SMAD6: variants seen among roughly 807,000 people sequenced by gnomAD.
The protein encoded by SMAD6 is SMAD family member 6.
Under a neutral mutation model 39.4 loss-of-function variants are expected in SMAD6, and 103 were observed. The observed-to-expected ratio is 2.62, with a 90% CI of 2.23 to 3.08. The LOEUF (loss-of-function observed/expected upper bound fraction) is 3.08, where lower values mean the gene tolerates loss of function less well. Among genes scored for constraint, SMAD6 ranks in the 30% most tolerant of loss-of-function variants. The pLI is 0.00. For missense variants in SMAD6, 1,104 were observed against 742.9 expected, an observed-to-expected ratio of 1.49 and a Z score of -5.65; for synonymous variants, 445 against 353.3, an observed-to-expected ratio of 1.26 and a Z score of -2.91.
chr15:66,727,099 CTTCT>C (rs1439829838), intron 3 of SMAD6, among the ~76,000 whole-genome samples: 1,383 of 124,302 alleles, frequency 0.011, 9 homozygotes, highest in African/African-American at 0.04. Context: ...TTTTCTTCTT[CTTCT>C]TTTTTTTTTT....
At chr15:66,736,954 C>T (rs1371365782) in intron 3 of SMAD6, among the ~76,000 whole-genome samples, 5 of 152,206 alleles carry the variant, frequency 3.3e-5, no homozygotes, top group African/African-American at 4.8e-5. Context: ...AGGCATGAGC[C>T]GCTGCACCTG....
At chr15:66,755,485 A>G (rs1894081154) in intron 3 of SMAD6, among the ~76,000 whole-genome samples, 1 of 152,212 alleles carries the variant, frequency 6.6e-6, no homozygotes, top group African/African-American at 2.4e-5. Flanking sequence ...TATGAGAGGC[A>G]CATTCCAGGT....
chr15:66,703,544 C>G lies in SMAD6; in HGVS notation c.286C>G (p.Pro96Ala), dbSNP rs1299231742. 4 of 1,221,720 alleles carry G rather than the reference C, an allele frequency of 3.3e-6. No individual in the cohort carries two copies. The highest frequency in any genetic ancestry group is 4.1e-6 in the Non-Finnish European group (4 of 979,050). The allele number at this position is 1,221,720 out of a possible 1,614,324, so 75.7% of individuals were successfully genotyped here. ...AGGPPRPMSE[P>A]GAGAGSSLLD... Reference sequence around the variant, plus strand: ...GGGCCCCCCGAGGCCCATGTCGGAGCCAGGGGCCGGCGCTGGGAGCTCCCT... The same window carrying G: ...GGGCCCCCCGAGGCCCATGTCGGAGGCAGGGGCCGGCGCTGGGAGCTCCCT... Residue 96 changes from proline (P) to alanine (A), a missense_variant, in exon 1 of 4, where the codon CCA becomes GCA. Physicochemically the swap from Pro to Ala is conservative, Grantham distance 27. Transcript: ENST00000288840.
rs760771857 is a variant in SMAD6 at position 66,781,389 on chromosome 15, G to A, written c.1345G>A (p.Ala449Thr). 2 of 1,601,900 alleles carry A rather than the reference G, an allele frequency of 1.2e-6. No individual in the cohort carries two copies. The highest frequency in any genetic ancestry group is 1.7e-6 in the Non-Finnish European group (2 of 1,177,568). Residue 449 changes from alanine to threonine, a missense_variant, in exon 4 of 4, where the codon GCG becomes ACG. Physicochemically the swap from Ala to Thr is moderately conservative, Grantham distance 58 (BLOSUM62 0). Coordinates refer to ENST00000288840, the MANE Select transcript of SMAD6 (RefSeq NM_005585.5). The part of the protein sequence containing the change: ...FDFERSGLQH[A>T]PEPDAADGPY... The stretch of plus-strand genomic sequence containing the variant: ...CTTCGAGCGCTCGGGCCTGCAGCAC[G>A]CGCCCGAGCCCGACGCCGCCGACGG...
intron 3 of SMAD6, among the ~76,000 whole-genome samples, chr15:66,772,951 C>G (rs1228808060): frequency 2.0e-5 from 3 of 152,224 alleles, no homozygotes; most frequent in Non-Finnish European, 2.9e-5. Context: ...CTCCCTCCTC[C>G]TGGTTCTGTC....
At position 66,781,572 on chromosome 15, in the gene SMAD6, G is replaced by GGCCACC. The variant is rs746129099; in HGVS notation, c.*44_*49dup. 1.9e-4 allele frequency: 278 copies of GGCCACC among 1,441,064 alleles called. 1 individual carries two copies. Among genetic ancestry groups the GGCCACC allele is most frequent in the Non-Finnish European group, 2.5e-4 (270 of 1,097,496 alleles). 89.3% of individuals were successfully genotyped at this position (1,441,064 alleles called of 1,614,324 possible). On this transcript the variant is annotated 3_prime_UTR_variant, in exon 4 of 4. Transcript: ENST00000288840. ...GCGGGAGGGGCGGGTGGGAGGCCGC[G>GGCCACC]GCCACCGCCACCTGCCGGCCTCGAG...
chr15:66,726,974 CACTCAAGGCAGGAGT>C, intron 3 of SMAD6, among the ~76,000 whole-genome samples: 1 of 152,120 alleles, frequency 6.6e-6, no homozygotes, highest in East Asian at 1.9e-4. Flanking sequence ...GACTGTCTCC[CACTCAAGGCAGGAGT>C]CCTTTCTGTA....
chr15:66,711,713 A>C lies in SMAD6; in HGVS notation c.863A>C (p.Tyr288Ser). The change falls in exon 2 of 4, where the codon TAC (tyrosine) becomes TCC (serine). Residue 288 changes from tyrosine to serine, a missense_variant. Transcript: ENST00000288840. ...PYSRLSPRDEYKPLDLSDSTL... is the reference protein window; with the variant it reads ...PYSRLSPRDESKPLDLSDSTL... ...TCTCGGCTGTCTCCTCGCGACGAGT[A>C]CAAGCCACTGGGTAAGTGTGCCCTC... 1 of 1,613,668 alleles carries C rather than the reference A, an allele frequency of 6.2e-7. No homozygotes were observed. Among genetic ancestry groups the C allele is most frequent in the African/African-American group, 1.3e-5 (1 of 74,916 alleles).
In SMAD6 at chr15:66,781,051, A is replaced by G. The variant is rs1894552833; in HGVS notation, c.1007A>G (p.Tyr336Cys). 6.2e-7 allele frequency: 1 copy of G among 1,602,666 alleles called. No homozygotes were observed. The highest frequency in any genetic ancestry group is 8.5e-7 in the Non-Finnish European group (1 of 1,178,346). Residue 336 changes from tyrosine to cysteine, a missense_variant, in exon 4 of 4, where the codon TAC (tyrosine) becomes TGC (cysteine). Transcript: ENST00000288840. ...CCGAGCCACTGGTGCAGCGTGGCGT[A>G]CTGGGAGCACCGGACGCGCGTGGGC... is the stretch of plus-strand genomic sequence containing the variant. The part of the protein sequence containing the change: ...TKPSHWCSVA[Y>C]WEHRTRVGRL...
intron 3 of SMAD6, among the ~76,000 whole-genome samples, chr15:66,767,463 C>CTGA (rs1894307548): frequency 6.6e-6 from 1 of 152,184 alleles, no homozygotes; most frequent in Non-Finnish European, 1.5e-5. Context: ...CCCTTCACCC[C>CTGA]TGATCATTGT....
intron 1 of SMAD6, among the ~76,000 whole-genome samples, chr15:66,710,751 A>G (rs1373877402): frequency 6.6e-6 from 1 of 151,876 alleles, no homozygotes; most frequent in Admixed American, 6.6e-5. Context: ...CTGAAAGCAA[A>G]GTATATGTTT....
chr15:66,721,527 C>A (rs1178018240), intron 3 of SMAD6, among the ~76,000 whole-genome samples: 2 of 152,164 alleles, frequency 1.3e-5, no homozygotes, highest in Non-Finnish European at 2.9e-5. Flanking sequence ...ACCAGTGGGC[C>A]CTGCAATCAA....
chr15:66,719,113 C>T (rs1421796962), intron 3 of SMAD6, among the ~76,000 whole-genome samples: 1 of 152,212 alleles, frequency 6.6e-6, no homozygotes, highest in Non-Finnish European at 1.5e-5. Flanking sequence ...TGTGATTCTC[C>T]CCATTTCATA....
At chr15:66,771,547 G>A (rs556417299) in intron 3 of SMAD6, among the ~76,000 whole-genome samples, 8 of 152,248 alleles carry the variant, frequency 5.3e-5, no homozygotes, top group South Asian at 2.1e-4. Flanking sequence ...GGTGGCCACC[G>A]ACAGGATACC....
intron 3 of SMAD6, among the ~76,000 whole-genome samples, chr15:66,751,448 C>T (rs1894004665): frequency 6.6e-6 from 1 of 152,222 alleles, no homozygotes; most frequent in African/African-American, 2.4e-5. Flanking sequence ...ATAGTGCATG[C>T]CCTCCCATGG....
intron 3 of SMAD6, among the ~76,000 whole-genome samples, chr15:66,748,104 A>G (rs1217073713): frequency 6.6e-6 from 1 of 152,212 alleles, no homozygotes; most frequent in African/African-American, 2.4e-5. Flanking sequence ...ATATTTGGGG[A>G]AAAGACCTTA....
At chr15:66,721,847 A>G (rs1245396714) in intron 3 of SMAD6, among the ~76,000 whole-genome samples, 2 of 152,212 alleles carry the variant, frequency 1.3e-5, no homozygotes, top group Non-Finnish European at 2.9e-5. Context: ...GTCCAGAGGA[A>G]GAAGGGATTA....
intron 1 of SMAD6, chr15:66,706,401 A>G (rs1893111577): frequency 6.6e-6 from 1 of 152,256 alleles, no homozygotes; most frequent in African/African-American, 2.4e-5. Flanking sequence ...TGGGGCCCCC[A>G]TTCAGCCACC....
intron 3 of SMAD6, among the ~76,000 whole-genome samples, chr15:66,754,583 C>CT (rs760473067): frequency 4.6e-5 from 7 of 152,158 alleles, no homozygotes; most frequent in Non-Finnish European, 8.8e-5. Flanking sequence ...AGTGATTTCT[C>CT]TGAGTGCCTT....
Sources: allele counts gnomAD v4.1 joint callset (sites outside exome capture counted in the v4.1 genomes callset), GRCh38; gene constraint gnomAD v4.1.1; transcripts MANE v1.5; gene names NCBI Gene and HGNC (gene_info 2026-07-23, HGNC 2026-07-21).